The following RNF38 variants were observed in gnomAD, a reference collection of about 807,000 sequenced individuals.
RNF38 encodes the protein E3 ubiquitin-protein ligase RNF38.
RNF38 carries 15 observed loss-of-function variants against 67.2 expected under a neutral mutation model. That is an observed-to-expected ratio of 0.22 (90% CI 0.15 to 0.34). RNF38 has a LOEUF of 0.34. Among genes scored for constraint, RNF38 ranks in the 10% least tolerant of loss-of-function variants. The probability of loss-of-function intolerance (pLI) is 1.00; values close to 1 mark genes in which losing one functional copy is unlikely to be tolerated. For synonymous variants in RNF38, 220 were observed against 218.8 expected, an observed-to-expected ratio of 1.01 and a Z score of -0.05; for missense variants, 524 against 639.9, an observed-to-expected ratio of 0.82 and a Z score of 1.95.
chr9:36,374,163 T>C (rs1159294700), intron 3 of RNF38, among the ~76,000 whole-genome samples: 1 of 152,178 alleles, frequency 6.6e-6, no homozygotes, highest in Admixed American at 6.5e-5. Context: ...TCCCATGTAA[T>C]TGGTTAATAA....
chr9:36,348,813 CTCTA>C (rs769402925), intron 9 of RNF38, among the ~76,000 whole-genome samples: 13 of 152,332 alleles, frequency 8.5e-5, no homozygotes, highest in South Asian at 6.2e-4. Flanking sequence ...TACCCAGAAG[CTCTA>C]TCTAAGATCA....
intron 1 of RNF38, among the ~76,000 whole-genome samples, chr9:36,443,136 T>G (rs1839231122): frequency 1.3e-5 from 2 of 152,246 alleles, no homozygotes; most frequent in African/African-American, 4.8e-5. Flanking sequence ...TTAAGTATCA[T>G]ACTGTTTTTA....
chr9:36,381,229 T>C lies in RNF38; in HGVS notation c.163-5102A>G, dbSNP rs141409547. ...TACAAGGTCTCTTTACATGAGTAAATACAAAACTGAATCTGGAAGGATATT... is the reference window on the plus strand; with the variant it reads ...TACAAGGTCTCTTTACATGAGTAAACACAAAACTGAATCTGGAAGGATATT... On this transcript the variant is annotated intron_variant, in intron 2 of 11. Coordinates refer to ENST00000259605, the MANE Select transcript of RNF38 (RefSeq NM_022781.5). 2.8e-3 allele frequency among the ~76,000 whole-genome samples: 419 copies of C among 152,214 alleles called. 2 individuals carry two copies. The highest frequency in any genetic ancestry group is 8.8e-3 in the African/African-American group (364 of 41,518).
intron 2 of RNF38, among the ~76,000 whole-genome samples, chr9:36,410,485 C>G (rs1838296393): frequency 6.6e-6 from 1 of 152,124 alleles, no homozygotes; most frequent in South Asian, 2.1e-4. Context: ...CACCACCATG[C>G]CTGGCTAATT....
At chr9:36,459,675 T>C (rs916735072) in intron 1 of RNF38, among the ~76,000 whole-genome samples, 1 of 152,300 alleles carries the variant, frequency 6.6e-6, no homozygotes, top group Non-Finnish European at 1.5e-5. Context: ...ACTCTAATTA[T>C]TGTATAGTGC....
intron 1 of RNF38, among the ~76,000 whole-genome samples, chr9:36,479,619 G>A (rs1287203304): frequency 6.6e-6 from 1 of 152,118 alleles, no homozygotes; most frequent in Non-Finnish European, 1.5e-5. Flanking sequence ...CTTAAGTGAG[G>A]AAGTTTTGAC....
chr9:36,439,298 T>C (rs1368614132), intron 1 of RNF38, among the ~76,000 whole-genome samples: 2 of 152,210 alleles, frequency 1.3e-5, no homozygotes, highest in Non-Finnish European at 2.9e-5. Flanking sequence ...AAGAAAAAGA[T>C]TTTGCAGTAA....
intron 2 of RNF38, among the ~76,000 whole-genome samples, chr9:36,384,370 GGA>G (rs1587570574): frequency 1.3e-5 from 2 of 152,118 alleles, no homozygotes; most frequent in East Asian, 3.8e-4. Context: ...TATAAATTTA[GGA>G]GTGTTGATAT....
At chr9:36,427,873 G>A (rs1378959076) in intron 1 of RNF38, among the ~76,000 whole-genome samples, 1 of 151,404 alleles carries the variant, frequency 6.6e-6, no homozygotes, top group Non-Finnish European at 1.5e-5. Context: ...ACCATGCCTG[G>A]CTAATTTTGT....
chr9:36,455,529 T>C (rs1180864469), intron 1 of RNF38, among the ~76,000 whole-genome samples: 1 of 150,302 alleles, frequency 6.7e-6, no homozygotes, highest in African/African-American at 2.4e-5. Flanking sequence ...ACGCCTATAA[T>C]CCCAGCACTT....
chr9:36,431,076 G>A (rs2245484), intron 1 of RNF38, among the ~76,000 whole-genome samples: 4,006 of 152,218 alleles, frequency 0.026, 158 homozygotes, highest in African/African-American at 0.085. Flanking sequence ...GGGTCCTCAG[G>A]CTAACCACAA....
chr9:36,458,542 C>T (rs919627614), intron 1 of RNF38, among the ~76,000 whole-genome samples: 4 of 151,332 alleles, frequency 2.6e-5, no homozygotes, highest in Admixed American at 2.0e-4. Context: ...ACAAACCCAC[C>T]GGGAGGAACA....
chr9:36,425,757 T>C (rs1400255975), intron 1 of RNF38, among the ~76,000 whole-genome samples: 2 of 152,148 alleles, frequency 1.3e-5, no homozygotes, highest in Non-Finnish European at 2.9e-5. Context: ...TGAAAGAAGA[T>C]ATTAAACATT....
At chr9:36,368,454 T>C (rs545648192) in intron 4 of RNF38, among the ~76,000 whole-genome samples, 5 of 152,336 alleles carry the variant, frequency 3.3e-5, no homozygotes, top group Non-Finnish European at 7.4e-5. Flanking sequence ...TGTGTTCACA[T>C]AGTCCTATAT....
At chr9:36,352,708 A>G (rs1273803458) in intron 8 of RNF38, 34 bp downstream of exon 8, 1 of 1,450,274 alleles carries the variant, frequency 6.9e-7, no homozygotes, top group Admixed American at 1.7e-5. Context: ...AGAGTTTCAA[A>G]ATTCAGAAAT....
At chr9:36,430,092 A>G (rs1000671469) in intron 1 of RNF38, among the ~76,000 whole-genome samples, 3 of 152,118 alleles carry the variant, frequency 2.0e-5, no homozygotes, top group Non-Finnish European at 4.4e-5. Flanking sequence ...CTCCAACATA[A>G]TTATGTAGTA....
rs1330585359 is a variant in RNF38 at position 36,338,693 on chromosome 9, T to TA, written c.*1058dup. ...TCAACAAGGTGAGACTTCATGGGAC[T>TA]AGTGGTCTTCTTAGAAATATATTAA... On this transcript the variant is annotated 3_prime_UTR_variant, in exon 12 of 12. Transcript: ENST00000259605. 1 of 152,564 alleles carries TA rather than the reference T, an allele frequency of 6.6e-6. No homozygotes were observed. The highest frequency in any genetic ancestry group is 1.5e-5 in the Non-Finnish European group (1 of 68,032). 9.5% of individuals were successfully genotyped at this position (152,564 alleles called of 1,614,324 possible). A position where few individuals can be genotyped will look rare whatever the true frequency, so the allele number is the denominator to read the frequency against.
chr9:36,344,612 A>G (rs1833085118), intron 10 of RNF38, among the ~76,000 whole-genome samples: 2 of 152,208 alleles, frequency 1.3e-5, no homozygotes, highest in Admixed American at 1.3e-4. Context: ...AAGACATTTA[A>G]TTTTTAATTT....
upstream of RNF38, among the ~76,000 whole-genome samples, chr9:36,404,903 G>A (rs778492956): frequency 2.0e-4 from 26 of 129,844 alleles, no homozygotes; most frequent in Non-Finnish European, 3.9e-4. Flanking sequence ...TAAGTACGGT[G>A]TTTGTAGTTT....
Sources: allele counts gnomAD v4.1 joint callset (sites outside exome capture counted in the v4.1 genomes callset), GRCh38; gene constraint gnomAD v4.1.1; transcripts MANE v1.5; gene names NCBI Gene and HGNC (gene_info 2026-07-23, HGNC 2026-07-21).